Variants in NT5C2 observed in about 807,000 individuals in gnomAD.
NT5C2 encodes cytosolic purine 5'-nucleotidase.
NT5C2 carries 58 observed loss-of-function variants against 76.1 expected under a neutral mutation model. The ratio of observed to expected loss-of-function variants is 0.76; its 90% CI spans 0.62 to 0.95. The LOEUF (loss-of-function observed/expected upper bound fraction) is 0.95. Ranked by LOEUF, NT5C2 falls within the 40% of genes least tolerant of loss-of-function variation. The probability of loss-of-function intolerance (pLI) is 0.00; values close to 1 mark genes in which losing one functional copy is unlikely to be tolerated. For missense variants in NT5C2, 478 were observed against 690.3 expected, an observed-to-expected ratio of 0.69 and a Z score of 3.45; for synonymous variants, 229 against 237.4, an observed-to-expected ratio of 0.96 and a Z score of 0.32.
At chr10:103,096,001 T>A in intron 11 of NT5C2, 21 bp from the exon 12 acceptor site, 1 of 1,599,248 alleles carries the variant, frequency 6.3e-7, no homozygotes. Flanking sequence ...AAATTTAACA[T>A]AAGGTCCATA....
intron 3 of NT5C2, chr10:103,153,368 T>C: frequency 4.8e-6 from 6 of 1,247,754 alleles, no homozygotes; most frequent in South Asian, 2.7e-5. Flanking sequence ...ACTGATCTCT[T>C]GAGAACTGTA....
At chr10:103,101,827 G>A (rs890295625) in intron 6 of NT5C2, among the ~76,000 whole-genome samples, 1 of 152,122 alleles carries the variant, frequency 6.6e-6, no homozygotes, top group Non-Finnish European at 1.5e-5. Context: ...ACTAAGGAGA[G>A]GAAAATCTAG....
chr10:103,193,047 C>G (rs890804692), intron 1 of NT5C2, among the ~76,000 whole-genome samples, 189 bp downstream of exon 1: 1 of 150,782 alleles, frequency 6.6e-6, no homozygotes, highest in Non-Finnish European at 1.5e-5. Context: ...AGGCGTGCGG[C>G]GTCCGCGAGC....
chr10:103,114,427 A>AAAAAAT (rs1255521313), intron 4 of NT5C2, among the ~76,000 whole-genome samples: 1 of 152,096 alleles, frequency 6.6e-6, no homozygotes, highest in African/African-American at 2.4e-5. Context: ...ATAAATAAAT[A>AAAAAAT]AAAAATAAAA....
chr10:103,123,505 A>G (rs1452117126), intron 4 of NT5C2, among the ~76,000 whole-genome samples: 1 of 152,178 alleles, frequency 6.6e-6, no homozygotes, highest in African/African-American at 2.4e-5. Context: ...GTGAGCAATC[A>G]TGCCTGGCCT....
chr10:103,106,668 G>T lies in NT5C2; in HGVS notation c.214C>A (p.Leu72Ile), dbSNP rs1434909016. The T allele has an allele frequency of 6.2e-7, 1 of 1,613,648 alleles. No individual in the cohort carries two copies. The highest frequency in any genetic ancestry group is 1.3e-5 in the African/African-American group (1 of 75,026). The change falls in exon 5 of 19, where the codon CTT becomes ATT. Residue 72 changes from leucine to isoleucine, a missense_variant. Transcript: ENST00000404739. ...SPEYESLGFE[L>I]TVERLVSIGY... ...ATAGAAACTAATCTCTCCACAGTAA[G>T]CTCAAAACCAAGGGACTCATACTCT...
intron 1 of NT5C2, among the ~76,000 whole-genome samples, chr10:103,190,410 T>G (rs1381381700): frequency 6.6e-6 from 1 of 152,220 alleles, no homozygotes; most frequent in Non-Finnish European, 1.5e-5. Context: ...TTCTCCCTAC[T>G]CTGAAGTGTT....
intron 3 of NT5C2, among the ~76,000 whole-genome samples, chr10:103,147,681 A>G (rs1262384779): frequency 2.6e-5 from 4 of 152,202 alleles, no homozygotes; most frequent in Non-Finnish European, 4.4e-5. Context: ...TGGATTATAA[A>G]CTTTGAGACC....
intron 3 of NT5C2, among the ~76,000 whole-genome samples, chr10:103,157,256 C>T (rs912749120): frequency 6.6e-6 from 1 of 151,862 alleles, no homozygotes; most frequent in East Asian, 1.9e-4. Flanking sequence ...ACGAACTAAT[C>T]CAAGGAACTA....
At chr10:103,156,442 A>G (rs544950596) in intron 3 of NT5C2, among the ~76,000 whole-genome samples, 2 of 152,368 alleles carry the variant, frequency 1.3e-5, no homozygotes, top group African/African-American at 2.4e-5. Flanking sequence ...TGTAGTAACA[A>G]TTAAAGTCCT....
chr10:103,126,614 T>G (rs1187438991), intron 4 of NT5C2, among the ~76,000 whole-genome samples: 1 of 152,108 alleles, frequency 6.6e-6, no homozygotes, highest in Non-Finnish European at 1.5e-5. Context: ...AGAGCGAGAC[T>G]CCGTCTAAAA....
Position 103,170,836 on chromosome 10 carries a change from T to C in NT5C2, c.101+4022A>G, listed in dbSNP as rs180833435. On this transcript the variant is annotated intron_variant, in intron 3 of 18. Transcript: ENST00000404739. ...ACCACCATGCCCAGCCTATGATATA[T>C]ATTAAATATAATTAGGATGTTTATT... Among the ~76,000 whole-genome samples the C allele has an allele frequency of 3.9e-3, 594 of 152,206 alleles. 2 individuals carry two copies. Among genetic ancestry groups the C allele is most frequent in the Middle Eastern group, 6.8e-3 (2 of 294 alleles).
intron 4 of NT5C2, among the ~76,000 whole-genome samples, chr10:103,129,031 G>C (rs1203157575): frequency 1.7e-5 from 2 of 117,316 alleles, no homozygotes; most frequent in Non-Finnish European, 3.8e-5. Context: ...GAGGTGGGGG[G>C]TCAGCCCCCC....
chr10:103,090,059 A>T, intron 18 of NT5C2, 151 bp from the exon 19 acceptor site: 1 of 537,462 alleles, frequency 1.9e-6, no homozygotes, highest in East Asian at 3.1e-5. Flanking sequence ...TCATAGAACT[A>T]CTTATAGTTG....
chr10:103,178,410 T>C (rs1239513369), intron 2 of NT5C2, among the ~76,000 whole-genome samples: 1 of 151,922 alleles, frequency 6.6e-6, no homozygotes, highest in Non-Finnish European at 1.5e-5. Context: ...TTGGGCATGG[T>C]GGTCCGTATC....
At chr10:103,129,326 C>T (rs1184943369) in intron 4 of NT5C2, among the ~76,000 whole-genome samples, 1 of 117,542 alleles carries the variant, frequency 8.5e-6, no homozygotes, top group African/African-American at 3.2e-5. Flanking sequence ...GCCCGGCCAG[C>T]CGCCCCGTCC....
At chr10:103,167,630 CTTTT>C (rs1190597137) in intron 3 of NT5C2, among the ~76,000 whole-genome samples, 1 of 151,806 alleles carries the variant, frequency 6.6e-6, no homozygotes, top group African/African-American at 2.4e-5. Flanking sequence ...AAGATTTCCC[CTTTT>C]TTTGTTTTTG....
intron 3 of NT5C2, among the ~76,000 whole-genome samples, chr10:103,143,285 C>T (rs931316562): frequency 3.3e-5 from 5 of 152,134 alleles, no homozygotes; most frequent in African/African-American, 1.2e-4. Flanking sequence ...GCTCCCCCAT[C>T]AGTGATCTAG....
At chr10:103,152,465 A>G (rs968405794) in intron 3 of NT5C2, among the ~76,000 whole-genome samples, 5 of 152,342 alleles carry the variant, frequency 3.3e-5, no homozygotes, top group Admixed American at 1.3e-4. Flanking sequence ...TTAGATTAAA[A>G]TAAGTTGTAA....
Sources: gnomAD v4.1 joint callset for allele counts (sites outside exome capture counted in the v4.1 genomes callset) on GRCh38, gnomAD v4.1.1 for gene constraint, MANE v1.5 for transcripts, NCBI Gene and HGNC (gene_info 2026-07-23, HGNC 2026-07-21) for gene names.